RNF213: variants seen among roughly 807,000 people sequenced by gnomAD.
The protein encoded by RNF213 is ring finger protein 213.
Under a neutral mutation model 514.4 loss-of-function variants are expected in RNF213, and 341 were observed. The observed-to-expected ratio is 0.66, with a 90% CI of 0.61 to 0.73. The LOEUF (loss-of-function observed/expected upper bound fraction) is 0.73, where lower values mean the gene tolerates loss of function less well. Among genes scored for constraint, RNF213 ranks in the 30% least tolerant of loss-of-function variants. RNF213 has a pLI of 0.00. For missense variants in RNF213, 5,767 were observed against 6,615.6 expected, an observed-to-expected ratio of 0.87 and a Z score of 4.45; for synonymous variants, 2,655 against 2,658.2, an observed-to-expected ratio of 1.00 and a Z score of 0.04.
At position 80,343,450 on chromosome 17, in the gene RNF213, A is replaced by G. The variant is rs2078220047; in HGVS notation, c.6183+125A>G. ...CACGCACAGTCCTGTGAAGCTTAAC[A>G]GTGGGAATGTGCTCTGAGAAGTGTG... On this transcript the variant is annotated intron_variant, in intron 27 of 67. Coordinates refer to ENST00000582970, the MANE Select transcript of RNF213 (RefSeq NM_001256071.3). The surrounding 1 kb of genome is among the most constrained non-coding windows in gnomAD (Gnocchi z 4.3). 1.1e-6 allele frequency: 1 copy of G among 888,100 alleles called. No homozygotes were observed. Among genetic ancestry groups the G allele is most frequent in the Admixed American group, 2.0e-5 (1 of 49,994 alleles). 55.0% of individuals were successfully genotyped at this position (888,100 alleles called of 1,614,324 possible). A position where few individuals can be genotyped will look rare whatever the true frequency, so the allele number is the denominator to read the frequency against.
chr17:80,382,463 T>C (rs2080057925), intron 57 of RNF213: 1 of 160,254 alleles, frequency 6.2e-6, no homozygotes, highest in African/African-American at 2.4e-5. Flanking sequence ...AGGTACTTCT[T>C]TGCCTGAAAC....
rs769571061 is a variant in RNF213 at position 80,339,633 on chromosome 17, C to A, written c.5266C>A (p.Arg1756Ser). 6.5e-7 allele frequency: 1 copy of A among 1,537,032 alleles called. No homozygotes were observed. Among genetic ancestry groups the A allele is most frequent in the African/African-American group, 1.4e-5 (1 of 73,008 alleles). ...VGCGSEAARY[R>S]MRRVMEELPL... ...GTGTGGGAGTGAGGCCGCCAGGTAC[C>A]GCATGAGGAGAGTCATGGAAGAGCT... The change falls in exon 26 of 68, where the codon CGC becomes AGC. Residue 1756 changes from arginine (R) to serine (S), a missense_variant. Around this residue, in one of 13 missense-constraint regions of RNF213, gnomAD observed 1,377 missense variants for 1,635.2 expected, o/e 0.84. Transcript: ENST00000582970.
chr17:80,387,315 C>T (rs985362508), intron 63 of RNF213, among the ~76,000 whole-genome samples: 32 of 152,182 alleles, frequency 2.1e-4, no homozygotes, highest in African/African-American at 6.5e-4. Context: ...CCACGTTGCC[C>T]GGCTGGTCTC....
intron 25 of RNF213, 151 bp from the exon 26 acceptor site, chr17:80,339,050 T>C: frequency 1.8e-6 from 1 of 562,740 alleles, no homozygotes; most frequent in Non-Finnish European, 3.1e-6. Flanking sequence ...GTGGGTTGTG[T>C]AGATGAGGAG....
intron 18 of RNF213, among the ~76,000 whole-genome samples, chr17:80,325,993 C>G (rs958522832): frequency 1.3e-5 from 2 of 151,508 alleles, no homozygotes; most frequent in African/African-American, 4.9e-5. Flanking sequence ...GAGTCTCGCT[C>G]TCTCACCCAG....
At chr17:80,363,909 G>C in intron 41 of RNF213, 119 bp downstream of exon 41, 1 of 967,110 alleles carries the variant, frequency 1.0e-6, no homozygotes, top group Non-Finnish European at 1.6e-6. Flanking sequence ...GAGGGGCTCC[G>C]TCCTCACCCG....
At chr17:80,352,004 G>A (rs552447092) in intron 32 of RNF213, 90 of 441,658 alleles carry the variant, frequency 2.0e-4, no homozygotes, top group South Asian at 2.9e-4. Flanking sequence ...ACAGGCGTGC[G>A]CCACCATGCC....
intron 13 of RNF213, among the ~76,000 whole-genome samples, chr17:80,307,672 C>T (rs1598973057): frequency 6.6e-6 from 1 of 152,142 alleles, no homozygotes; most frequent in Non-Finnish European, 1.5e-5. Context: ...TCCTCAGCCT[C>T]CTGAGTAGCT....
rs1443291957 is a variant in RNF213, at chr17:80,386,320, G to A, written c.14610G>A (p.Leu4870=). ...TGGACACTGAGTTTGAGATCCTCTT[G>A]CCACGCCGACGGGGCCTGGGCCTCT... ...LDLDTEFEIL[L]PRRRGLGLCA... is the part of the protein sequence containing the mutation. Residue 4870 remains leucine (L), a synonymous_variant, in exon 62 of 68, where the codon TTG becomes TTA. Transcript: ENST00000582970. 1 of 1,613,886 alleles carries A rather than the reference G, an allele frequency of 6.2e-7. No homozygotes were observed. The highest frequency in any genetic ancestry group is 1.1e-5 in the South Asian group (1 of 91,082).
At chr17:80,283,825 T>C (rs920806945) in intron 3 of RNF213, among the ~76,000 whole-genome samples, 10 of 152,374 alleles carry the variant, frequency 6.6e-5, no homozygotes, top group African/African-American at 2.2e-4. Flanking sequence ...CAGAGCCTGA[T>C]TATGTCATCG....
At chr17:80,357,473 T>G (rs543909889) in intron 36 of RNF213, among the ~76,000 whole-genome samples, 1 of 152,312 alleles carries the variant, frequency 6.6e-6, no homozygotes, top group East Asian at 1.9e-4. Flanking sequence ...GAACAAATAC[T>G]TAGTTCCAGA....
chr17:80,319,859 T>G, intron 17 of RNF213: 2 of 1,162,330 alleles, frequency 1.7e-6, no homozygotes, highest in Non-Finnish European at 1.1e-6. Context: ...CTGCTCACAT[T>G]TCCTAATTGG....
intron 15 of RNF213, among the ~76,000 whole-genome samples, chr17:80,315,396 G>A (rs1433569569): frequency 1.3e-4 from 1 of 7,852 alleles, no homozygotes; most frequent in South Asian, 3.6e-3. Context: ...GATGGTGGTG[G>A]TGGTGGTGGT....
In RNF213 at chr17:80,385,232, T is replaced by A. The variant is rs886975116; in HGVS notation, c.14455+61T>A. ...GCATTTGGCGGTTCGAAAGGATCAC[T>A]GCATAGGGGAACAGGGTGGGGCGGA... On this transcript the variant is annotated intron_variant, in intron 60 of 67. Coordinates refer to ENST00000582970, the MANE Select transcript of RNF213 (RefSeq NM_001256071.3). The A allele has an allele frequency of 2.5e-6, 4 of 1,600,442 alleles. No homozygotes were observed. In the African/African-American group the frequency reaches 5.4e-5, roughly 21 times the overall value.
chr17:80,328,539 A>G, intron 20 of RNF213, 62 bp downstream of exon 20: 1 of 1,500,320 alleles, frequency 6.7e-7, no homozygotes, highest in East Asian at 2.5e-5. Context: ...AGAACACAGT[A>G]AGAATGGATC....
intron 3 of RNF213, among the ~76,000 whole-genome samples, chr17:80,275,137 GT>G: frequency 7.7e-6 from 1 of 130,224 alleles, no homozygotes; most frequent in African/African-American, 4.2e-5. Context: ...TGTGAGTGGT[GT>G]GTGTGTGTTG....
At chr17:80,331,248 G>C (rs1384836393) in intron 20 of RNF213, among the ~76,000 whole-genome samples, 1 of 152,174 alleles carries the variant, frequency 6.6e-6, no homozygotes, top group East Asian at 1.9e-4. Flanking sequence ...TCAGCTCTCA[G>C]TGTTGCCCAC....
At chr17:80,385,396 C>G in intron 60 of RNF213, 142 bp from the exon 61 acceptor site, 1 of 894,030 alleles carries the variant, frequency 1.1e-6, no homozygotes. Context: ...ACTCGGCTCA[C>G]TCCTTCAAAC....
intron 60 of RNF213, 150 bp from the exon 61 acceptor site, chr17:80,385,388 T>C: frequency 2.3e-6 from 2 of 880,208 alleles, no homozygotes; most frequent in South Asian, 2.8e-5. Context: ...CTCCTCAAAC[T>C]CGGCTCACTC....
Sources: gnomAD v4.1 joint callset for allele counts (sites outside exome capture counted in the v4.1 genomes callset) on GRCh38, gnomAD v4.1.1 for gene constraint, gnomAD v4.1.1 regional missense constraint, Gnocchi (gnomAD v3.1) non-coding constraint, MANE v1.5 for transcripts, NCBI Gene and HGNC (gene_info 2026-07-23, HGNC 2026-07-21) for gene names.